DNAH7: variants seen among roughly 807,000 people sequenced by gnomAD.
The protein encoded by DNAH7 is axonemal beta dynein heavy chain 7.
In DNAH7, 397 loss-of-function variants were observed where a neutral mutation model predicts 444.6. The ratio of observed to expected loss-of-function variants is 0.89; its 90% CI spans 0.82 to 0.97. The LOEUF is 0.97. Ranked by LOEUF, DNAH7 falls within the 50% of genes least tolerant of loss-of-function variation. The pLI is 0.00. For synonymous variants in DNAH7, 1,636 were observed against 1,624.4 expected (o/e 1.01, Z -0.17); for missense variants, 4,902 against 4,800.8 (o/e 1.02, Z -0.62).
At chr2:195,980,099 C>T (rs1170105615) in intron 15 of DNAH7, among the ~76,000 whole-genome samples, 3 of 142,500 alleles carry the variant, frequency 2.1e-5, no homozygotes, top group Admixed American at 7.1e-5. Context: ...AGAGGAGGGG[C>T]GATATGGTTT....
rs1696523868 is a variant in DNAH7 at position 195,802,650 on chromosome 2, CAA to C, written c.10177-3180_10177-3179del. Among the ~76,000 whole-genome samples the C allele has an allele frequency of 1.3e-5, 2 of 149,270 alleles. 1 individual carries two copies. The highest frequency in any genetic ancestry group is 4.2e-4 in the South Asian group (2 of 4,748). On this transcript the variant is annotated intron_variant, in intron 54 of 64. Coordinates refer to ENST00000312428, the MANE Select transcript of DNAH7 (RefSeq NM_018897.3). ...TGCCACTGCATTCCAGCCTGGGTGA[CAA>C]AGAGACTGTCTCAAAACAAAAAAAA...
At chr2:196,002,959 G>A (rs867248245) in intron 10 of DNAH7, among the ~76,000 whole-genome samples, 1 of 151,318 alleles carries the variant, frequency 6.6e-6, no homozygotes, top group Non-Finnish European at 1.5e-5. Context: ...AGTGAGCCGA[G>A]ATGGTTCCAT....
chr2:195,875,837 A>C lies in DNAH7; in HGVS notation c.6124T>G (p.Phe2042Val). Residue 2042 changes from phenylalanine to valine, a missense_variant, in exon 38 of 65, where the codon TTT becomes GTT. By Grantham distance (50) the Phe-to-Val change is conservative. Coordinates refer to ENST00000312428, the MANE Select transcript of DNAH7 (RefSeq NM_018897.3). The stretch of plus-strand genomic sequence containing the variant: ...GCAGGCATATTGACATCATCTACAA[A>C]GACAACCTGAGAATGAGAAGAGAAG... ...GPPLGKRMVV[F>V]VDDVNMPARE... 1 of 1,599,882 alleles carries C rather than the reference A, an allele frequency of 6.3e-7. No homozygotes were observed. The highest frequency in any genetic ancestry group is 8.5e-7 in the Non-Finnish European group (1 of 1,175,498).
chr2:195,937,909 G>T (rs986706827), intron 19 of DNAH7, among the ~76,000 whole-genome samples: 1 of 152,120 alleles, frequency 6.6e-6, no homozygotes, highest in East Asian at 1.9e-4. Context: ...ATTTATTAAT[G>T]TAACAGGGCA....
chr2:195,757,958 T>C (rs1327688208), intron 61 of DNAH7, among the ~76,000 whole-genome samples: 8 of 152,122 alleles, frequency 5.3e-5, no homozygotes, highest in Non-Finnish European at 1.2e-4. Flanking sequence ...GAGTGGGAAA[T>C]GGCAGGCCCC....
intron 9 of DNAH7, among the ~76,000 whole-genome samples, chr2:196,013,972 C>A (rs1429792554): frequency 6.6e-6 from 1 of 152,152 alleles, no homozygotes; most frequent in African/African-American, 2.4e-5. Flanking sequence ...AGCCACCAGA[C>A]CAATTTTCCT....
intron 19 of DNAH7, among the ~76,000 whole-genome samples, chr2:195,955,586 GTTT>G (rs77317735): frequency 0.16 from 23,617 of 151,968 alleles, 2,183 homozygotes; most frequent in African/African-American, 0.26. Context: ...GGTAAGTAAT[GTTT>G]TTGTTTGTTT....
At chr2:195,867,334 A>G (rs1012520678) in intron 40 of DNAH7, among the ~76,000 whole-genome samples, 3 of 152,230 alleles carry the variant, frequency 2.0e-5, no homozygotes, top group Non-Finnish European at 1.5e-5. Context: ...AAAACTTTCT[A>G]TTATAAATCT....
chr2:195,746,221 T>C (rs1228360128), intron 63 of DNAH7, among the ~76,000 whole-genome samples: 9 of 151,430 alleles, frequency 5.9e-5, no homozygotes, highest in South Asian at 2.1e-4. Flanking sequence ...AAACAGACTT[T>C]AAACCAACAA....
chr2:195,841,505 C>T (rs1334312098), intron 47 of DNAH7, among the ~76,000 whole-genome samples: 2 of 151,746 alleles, frequency 1.3e-5, no homozygotes, highest in Non-Finnish European at 3.0e-5. Context: ...AGATAATCTT[C>T]AATGTAGATA....
intron 17 of DNAH7, among the ~76,000 whole-genome samples, chr2:195,967,566 G>A (rs941529981): frequency 6.6e-6 from 1 of 152,060 alleles, no homozygotes; most frequent in African/African-American, 2.4e-5. Context: ...GCTTTTGTTT[G>A]TCTGGGAAAG....
At chr2:195,939,768 A>G (rs943722938) in intron 19 of DNAH7, among the ~76,000 whole-genome samples, 10 of 152,110 alleles carry the variant, frequency 6.6e-5, no homozygotes, top group Non-Finnish European at 1.0e-4. Context: ...AATGAATGTG[A>G]TATCAGGGGC....
At chr2:195,891,244 T>C (rs555975302) in intron 31 of DNAH7, among the ~76,000 whole-genome samples, 1 of 152,342 alleles carries the variant, frequency 6.6e-6, no homozygotes, top group South Asian at 2.1e-4. Flanking sequence ...CAATTTCTTC[T>C]CTAAGCATTG....
At chr2:196,052,655 C>T (rs1289796921) in intron 2 of DNAH7, among the ~76,000 whole-genome samples, 1 of 152,188 alleles carries the variant, frequency 6.6e-6, no homozygotes, top group Non-Finnish European at 1.5e-5. Context: ...CTTCACAAAG[C>T]ACACAGTCCA....
chr2:195,883,927 T>A (rs1420684781), intron 35 of DNAH7, among the ~76,000 whole-genome samples: 17 of 151,990 alleles, frequency 1.1e-4, no homozygotes, highest in Admixed American at 1.1e-3. Flanking sequence ...TGTCCAAGGG[T>A]AGGAAATTGA....
chr2:195,834,969 T>C (rs1698266496), intron 47 of DNAH7, among the ~76,000 whole-genome samples: 4 of 152,198 alleles, frequency 2.6e-5, no homozygotes, highest in African/African-American at 9.7e-5. Context: ...AACACTTCTG[T>C]ATTTAGTGTC....
intron 48 of DNAH7, among the ~76,000 whole-genome samples, chr2:195,830,136 C>G (rs1697990893): frequency 6.6e-6 from 1 of 152,116 alleles, no homozygotes; most frequent in African/African-American, 2.4e-5. Context: ...CTTCATGTTT[C>G]TATCATCAAG....
At chr2:196,044,203 A>ATGTG (rs367981308) in intron 5 of DNAH7, among the ~76,000 whole-genome samples, 5,693 of 147,006 alleles carry the variant, frequency 0.039, 270 homozygotes, top group African/African-American at 0.1. Context: ...ATATATATAT[A>ATGTG]TGTGTGTGTG....
intron 5 of DNAH7, among the ~76,000 whole-genome samples, chr2:196,035,437 G>C (rs1399275892): frequency 6.6e-6 from 1 of 152,160 alleles, no homozygotes; most frequent in East Asian, 1.9e-4. Context: ...TTTGTTGGAG[G>C]AAGAAAACTA....
Sources: gnomAD v4.1 joint callset for allele counts (sites outside exome capture counted in the v4.1 genomes callset) on GRCh38, gnomAD v4.1.1 for gene constraint, MANE v1.5 for transcripts, NCBI Gene and HGNC (gene_info 2026-07-23, HGNC 2026-07-21) for gene names.